The following DNASE1 variants were observed in gnomAD, a reference collection of about 807,000 sequenced individuals.
The protein encoded by DNASE1 is deoxyribonuclease 1.
A neutral mutation model predicts 33.9 loss-of-function variants in DNASE1; 40 were observed. The observed-to-expected ratio is 1.18, with a 90% CI of 0.92 to 1.54. The LOEUF (loss-of-function observed/expected upper bound fraction) is 1.54, where lower values mean the gene tolerates loss of function less well. Among genes scored for constraint, DNASE1 ranks in the 40% most tolerant of loss-of-function variants. DNASE1 has a pLI of 0.00. For synonymous variants in DNASE1, 216 were observed against 160.0 expected (o/e 1.35, Z -2.64); for missense variants, 518 against 372.6 (o/e 1.39, Z -3.21).
downstream of DNASE1, chr16:3,661,315 A>G (rs2061427181): frequency 1.5e-5 from 2 of 137,678 alleles, no homozygotes. Context: ...TACAACAGAT[A>G]AAGGGCATAT....
At chr16:3,635,321 G>GGT (rs2041836095) in intron 1 of DNASE1, among the ~76,000 whole-genome samples, 2 of 151,836 alleles carry the variant, frequency 1.3e-5, no homozygotes, top group African/African-American at 4.8e-5. Flanking sequence ...AGCTGTGCGT[G>GGT]GTGGCGTGTG....
At chr16:3,637,408 A>G (rs1157812054) in intron 1 of DNASE1, among the ~76,000 whole-genome samples, 1 of 152,300 alleles carries the variant, frequency 6.6e-6, no homozygotes, top group East Asian at 1.9e-4. Flanking sequence ...TCCTGTGACT[A>G]GGTCTCAGTC....
chr16:3,663,022 C>T, downstream of DNASE1: 1 of 1,403,388 alleles, frequency 7.1e-7, no homozygotes, highest in Non-Finnish European at 9.7e-7. Flanking sequence ...TCCCCGGCTT[C>T]CATGGGGGCC....
At chr16:3,655,236 G>GA in intron 1 of DNASE1, 137 bp from the exon 2 acceptor site, 1 of 1,232,740 alleles carries the variant, frequency 8.1e-7, no homozygotes, top group African/African-American at 1.5e-5. Context: ...GACGTTGTAG[G>GA]AAAGGGTTTC....
chr16:3,660,080 G>A (rs572386462), downstream of DNASE1: 2 of 152,204 alleles, frequency 1.3e-5, no homozygotes, highest in Admixed American at 1.3e-4. Flanking sequence ...CTACGTAGCT[G>A]GAAAAAAAGG....
upstream of DNASE1, chr16:3,653,549 C>T (rs1304261728): frequency 1.3e-5 from 2 of 152,060 alleles, no homozygotes; most frequent in African/African-American, 4.8e-5. Flanking sequence ...TGGCTCACGC[C>T]TGTAATCCCA....
At chr16:3,636,254 T>TTTTG (rs56827919) in intron 1 of DNASE1, among the ~76,000 whole-genome samples, 66,316 of 151,590 alleles carry the variant, frequency 0.44, 16,395 homozygotes, top group African/African-American at 0.69. Flanking sequence ...TCTTAGTTTT[T>TTTTG]TTTGTTTCTA....
chr16:3,618,737 A>C (rs974653292), intron 1 of DNASE1, among the ~76,000 whole-genome samples: 1 of 152,210 alleles, frequency 6.6e-6, no homozygotes, highest in Non-Finnish European at 1.5e-5. Flanking sequence ...CAAAAAGAAG[A>C]AATGCTCAAA....
exon 10 of DNASE1, chr16:3,663,527 G>C: frequency 1.9e-6 from 3 of 1,614,074 alleles, no homozygotes; most frequent in East Asian, 2.2e-5. Context: ...GGTGCAGCAG[G>C]GTGAGCTCAT....
chr16:3,655,673 C>G (rs1346679509), intron 2 of DNASE1, among the ~76,000 whole-genome samples, 153 bp downstream of exon 2: 1 of 152,208 alleles, frequency 6.6e-6, no homozygotes, highest in Non-Finnish European at 1.5e-5. Context: ...GGCTGTGGAC[C>G]AAGGTCCTCA....
rs775930447 is a variant in DNASE1, at chr16:3,657,760, C to G, written c.745C>G (p.Pro249Ala). The part of the protein sequence containing the change: ...AGMLLRGAVV[P>A]DSALPFNFQA... ...GATGCTGCTCCGAGGCGCCGTTGTT[C>G]CCGACTCGGCTCTTCCCTTTAACTT... Residue 249 changes from proline to alanine, a missense_variant, in exon 8 of 9, where the codon CCC becomes GCC. Coordinates refer to ENST00000246949, the MANE Select transcript of DNASE1 (RefSeq NM_005223.4). 2.5e-6 allele frequency: 4 copies of G among 1,614,060 alleles called. No homozygotes were observed. Among genetic ancestry groups the G allele is most frequent in the East Asian group, 2.2e-5 (1 of 44,874 alleles).
chr16:3,645,142 GA>G (rs879314504), intron 1 of DNASE1, among the ~76,000 whole-genome samples: 105 of 148,236 alleles, frequency 7.1e-4, no homozygotes, highest in Middle Eastern at 3.5e-3. Flanking sequence ...TTCTTTAAAA[GA>G]AAAAAAAAAG....
intron 1 of DNASE1, among the ~76,000 whole-genome samples, chr16:3,621,003 T>C (rs972479989): frequency 6.6e-6 from 1 of 152,110 alleles, no homozygotes; most frequent in African/African-American, 2.4e-5. Context: ...TTTCACCATA[T>C]TGACCAGGCT....
chr16:3,656,129 G>A lies in DNASE1; in HGVS notation c.264G>A (p.Val88=), dbSNP rs1301710017. Residue 88 remains valine, a synonymous_variant, in exon 4 of 9, where the codon GTG becomes GTA. Transcript: ENST00000246949. ...NQDAPDTYHY[V]VSEPLGRNSY... Reference sequence around the variant, plus strand: ...ATGCACCAGACACCTATCACTACGTGGTCAGTGAGCCACTGGGACGGAACA... The same window carrying A: ...ATGCACCAGACACCTATCACTACGTAGTCAGTGAGCCACTGGGACGGAACA... 1 of 1,614,062 alleles carries A rather than the reference G, an allele frequency of 6.2e-7. No individual in the cohort carries two copies. Among genetic ancestry groups the A allele is most frequent in the Non-Finnish European group, 8.5e-7 (1 of 1,179,968 alleles).
chr16:3,657,370 CT>C, intron 7 of DNASE1, 29 bp downstream of exon 7: 3 of 1,608,496 alleles, frequency 1.9e-6, no homozygotes, highest in Non-Finnish European at 2.5e-6. Flanking sequence ...TTAGGGCAGA[CT>C]GAGGGCACCT....
downstream of DNASE1, chr16:3,658,768 A>G (rs1448621082): frequency 6.2e-7 from 1 of 1,608,824 alleles, no homozygotes; most frequent in South Asian, 1.1e-5. Context: ...GGGTCCCTGC[A>G]GTCATCCTAA....
At chr16:3,621,122 G>C (rs1000240496) in intron 1 of DNASE1, among the ~76,000 whole-genome samples, 1 of 151,876 alleles carries the variant, frequency 6.6e-6, no homozygotes, top group African/African-American at 2.4e-5. Flanking sequence ...TTTAGAGACA[G>C]GGTTTTGCTG....
exon 1 of DNASE1, chr16:3,611,908 C>G (rs1312685491): frequency 1.3e-5 from 2 of 152,512 alleles, no homozygotes; most frequent in Non-Finnish European, 2.9e-5. Context: ...CGGCGGCCCC[C>G]TCTGGGCATA....
exon 1 of DNASE1, chr16:3,611,899 G>C (rs1206914308): frequency 6.6e-6 from 1 of 152,474 alleles, no homozygotes; most frequent in Non-Finnish European, 1.5e-5. Context: ...CGGATACAAC[G>C]GCGGCCCCCT....
Sources: allele counts gnomAD v4.1 joint callset (sites outside exome capture counted in the v4.1 genomes callset), GRCh38; gene constraint gnomAD v4.1.1; transcripts MANE v1.5; gene names NCBI Gene and HGNC (gene_info 2026-07-23, HGNC 2026-07-21).